GRHL2: variants seen among roughly 807,000 people sequenced by gnomAD.
The protein encoded by GRHL2 is grainyhead-like protein 2 homolog.
A neutral mutation model predicts 83.8 loss-of-function variants in GRHL2; 21 were observed. The ratio of observed to expected loss-of-function variants is 0.25; its 90% confidence interval spans 0.18 to 0.36. The LOEUF (loss-of-function observed/expected upper bound fraction) is 0.36. Among genes scored for constraint, GRHL2 ranks in the 10% least tolerant of loss-of-function variants. GRHL2 has a pLI of 1.00. For synonymous variants in GRHL2, 280 were observed against 278.9 expected (o/e 1.00, Z -0.04); for missense variants, 623 against 781.8 (o/e 0.80, Z 2.42).
At chr8:101,599,468 C>A (rs1812465871) in intron 8 of GRHL2, among the ~76,000 whole-genome samples, 1 of 152,208 alleles carries the variant, frequency 6.6e-6, no homozygotes, top group South Asian at 2.1e-4. Context: ...CTCTGTGCAG[C>A]CTCCTCTAGA....
At chr8:101,647,533 A>G (rs529352532) in intron 13 of GRHL2, among the ~76,000 whole-genome samples, 1 of 152,154 alleles carries the variant, frequency 6.6e-6, no homozygotes, top group South Asian at 2.1e-4. Context: ...TATTCTAATT[A>G]TTTTTCCTTG....
At chr8:101,493,305 G>T (rs1334330693) in intron 1 of GRHL2, among the ~76,000 whole-genome samples, 1 of 152,234 alleles carries the variant, frequency 6.6e-6, no homozygotes, top group East Asian at 1.9e-4. Flanking sequence ...CTCGCACCGG[G>T]CAGGAGGGTG....
rs553249046 is a variant in GRHL2, at chr8:101,645,116, ATTTTTTTTTTTTTTTTTTT to A, written c.1612+910_1612+928del. On this transcript the variant is annotated intron_variant, in intron 13 of 15. Coordinates refer to ENST00000646743, the MANE Select transcript of GRHL2 (RefSeq NM_024915.4). ...TGCCTCAGTCTGCCAGCAGTACAGA[ATTTTTTTTTTTTTTTTTTT>A]TTTTTTTTTTTTTTTTTTGACAAAG... Among the ~76,000 whole-genome samples the A allele has an allele frequency of 9.1e-3, 1,064 of 117,364 alleles. 26 individuals are homozygous for A. The highest frequency in any genetic ancestry group is 0.027 in the African/African-American group (834 of 30,392). The allele number at this position is 117,364 out of a possible 152,430, so 77.0% of individuals were successfully genotyped here. A position where few individuals can be genotyped will look rare whatever the true frequency, so the allele number is the denominator to read the frequency against.
chr8:101,565,728 T>C (rs557478823), intron 4 of GRHL2, among the ~76,000 whole-genome samples: 1 of 152,318 alleles, frequency 6.6e-6, no homozygotes, highest in South Asian at 2.1e-4. Flanking sequence ...TCAACATAAC[T>C]GCAAGAGGGC....
intron 14 of GRHL2, among the ~76,000 whole-genome samples, chr8:101,657,403 T>C (rs913909575): frequency 6.6e-6 from 1 of 152,138 alleles, no homozygotes; most frequent in African/African-American, 2.4e-5. Context: ...AGACAACCAA[T>C]AACATATTGA....
intron 8 of GRHL2, among the ~76,000 whole-genome samples, chr8:101,619,255 AAAAAT>A (rs1246877235): frequency 6.6e-6 from 1 of 152,306 alleles, no homozygotes; most frequent in Non-Finnish European, 1.5e-5. Flanking sequence ...TCTGTCTCAA[AAAAAT>A]AAAATAAAAT....
chr8:101,500,518 A>AT (rs1810205443), intron 1 of GRHL2, among the ~76,000 whole-genome samples: 1 of 152,008 alleles, frequency 6.6e-6, no homozygotes, highest in African/African-American at 2.4e-5. Flanking sequence ...GTATATATAT[A>AT]TTTTTTTGAG....
At chr8:101,623,850 T>TACAGTACACAGTAGGACAGTTC (rs1813015745) in intron 9 of GRHL2, among the ~76,000 whole-genome samples, 2 of 136,002 alleles carry the variant, frequency 1.5e-5, no homozygotes, top group Non-Finnish European at 3.1e-5. Context: ...TAGGACAGTT[T>TACAGTACACAGTAGGACAGTTC]ACAATACACA....
intron 7 of GRHL2, among the ~76,000 whole-genome samples, chr8:101,586,990 C>T (rs1246155210): frequency 2.0e-5 from 3 of 152,102 alleles, no homozygotes; most frequent in Non-Finnish European, 4.4e-5. Flanking sequence ...TGCTAGCCTA[C>T]AAACATAATA....
intron 4 of GRHL2, among the ~76,000 whole-genome samples, chr8:101,566,447 C>T (rs901532578): frequency 4.0e-5 from 6 of 151,760 alleles, no homozygotes; most frequent in African/African-American, 1.5e-4. Context: ...ATGCTCTTGG[C>T]TTCATGTCCA....
chr8:101,556,614 A>G (rs535496604), intron 3 of GRHL2, among the ~76,000 whole-genome samples: 9 of 152,284 alleles, frequency 5.9e-5, no homozygotes, highest in African/African-American at 2.2e-4. Context: ...TTCTCTCTGT[A>G]CCACCCAGGA....
Position 101,668,646 on chromosome 8 carries a change from C to T in GRHL2, c.*1943C>T, listed in dbSNP as rs1814133553. On this transcript the variant is annotated 3_prime_UTR_variant, in exon 16 of 16. Coordinates refer to ENST00000646743, the MANE Select transcript of GRHL2 (RefSeq NM_024915.4). ...CGCCCCGGACCAGCAGCTTGGGGAC[C>T]CTCCAGGGTACTAATGGGGCTCTGT... The T allele has an allele frequency of 6.5e-6, 1 of 152,804 alleles. No individual in the cohort carries two copies. Among genetic ancestry groups the T allele is most frequent in the African/African-American group, 2.4e-5 (1 of 41,416 alleles). 9.5% of individuals were successfully genotyped at this position (152,804 alleles called of 1,614,324 possible). A position where few individuals can be genotyped will look rare whatever the true frequency, so the allele number is the denominator to read the frequency against.
Position 101,604,486 on chromosome 8 carries a change from A to G in GRHL2, c.1098+5335A>G, listed in dbSNP as rs534906480. 3.9e-5 allele frequency among the ~76,000 whole-genome samples: 6 copies of G among 152,200 alleles called. No homozygotes were observed. In the South Asian group the frequency reaches 8.3e-4, roughly 21 times the overall value. On this transcript the variant is annotated intron_variant, in intron 8 of 15. Coordinates refer to ENST00000646743, the MANE Select transcript of GRHL2 (RefSeq NM_024915.4). ...TCGCAGTGATTTTAAGATTAAACCA[A>G]TCTTGGTGTGCTACAACGACCTCTG... is the stretch of plus-strand genomic sequence containing the variant.
At chr8:101,624,596 G>A (rs1420345240) in intron 9 of GRHL2, among the ~76,000 whole-genome samples, 1 of 150,890 alleles carries the variant, frequency 6.6e-6, no homozygotes, top group East Asian at 2.0e-4. Context: ...ACAGTACACA[G>A]TAGGACAGTA....
chr8:101,662,720 G>A (rs989326296), intron 14 of GRHL2, among the ~76,000 whole-genome samples: 6 of 152,138 alleles, frequency 3.9e-5, no homozygotes, highest in African/African-American at 1.2e-4. Context: ...TTATAAAAGT[G>A]AAACACAATG....
chr8:101,599,274 C>A, intron 8 of GRHL2, 123 bp downstream of exon 8: 1 of 748,478 alleles, frequency 1.3e-6, no homozygotes, highest in East Asian at 2.7e-5. Context: ...TCATCTTTTG[C>A]CTTTGTGGAG....
At chr8:101,555,555 A>AT (rs1811473252) in intron 3 of GRHL2, among the ~76,000 whole-genome samples, 1 of 152,176 alleles carries the variant, frequency 6.6e-6, no homozygotes, top group Admixed American at 6.5e-5. Context: ...GGACATGGTA[A>AT]TGTAAATGGG....
intron 13 of GRHL2, among the ~76,000 whole-genome samples, chr8:101,647,053 G>A (rs943678377): frequency 1.3e-5 from 2 of 152,218 alleles, no homozygotes; most frequent in African/African-American, 4.8e-5. Context: ...CAAAAGAGGA[G>A]ATTTGTAAAT....
At chr8:101,676,958 A>C in the GRHL2 span, among the ~76,000 whole-genome samples, 1 of 152,044 alleles carries the variant, frequency 6.6e-6, no homozygotes, top group East Asian at 1.9e-4. Context: ...AACTGTTGCA[A>C]GGACAAAAAA....
Sources: allele counts gnomAD v4.1 joint callset (sites outside exome capture counted in the v4.1 genomes callset), GRCh38; gene constraint gnomAD v4.1.1; transcripts MANE v1.5; gene names NCBI Gene and HGNC (gene_info 2026-07-23, HGNC 2026-07-21).